Variants in HLCS observed in about 807,000 individuals in gnomAD.
The protein encoded by HLCS is holocarboxylase synthetase.
HLCS carries 53 observed loss-of-function variants against 75.0 expected under a neutral mutation model. That is an observed-to-expected ratio of 0.71 (90% CI 0.57 to 0.89). HLCS has a LOEUF of 0.89. HLCS is among the 40% of genes least tolerant of loss of function. The pLI is 0.00. For missense variants in HLCS, 966 were observed against 1,074.0 expected (o/e 0.90, Z 1.41); for synonymous variants, 431 against 428.6 (o/e 1.01, Z -0.07).
Position 36,887,657 on chromosome 21 carries a change from T to C in HLCS, c.1892+9203A>G, listed in dbSNP as rs145238654. Among the ~76,000 whole-genome samples, 1,039 of 152,346 alleles carry C rather than the reference T, an allele frequency of 6.8e-3. 11 individuals carry two copies. Among genetic ancestry groups the C allele is most frequent in the African/African-American group, 0.023 (962 of 41,580 alleles). On this transcript the variant is annotated intron_variant, in intron 6 of 10. Coordinates refer to ENST00000674895, the MANE Select transcript of HLCS (RefSeq NM_001352514.2). ...AAAGGCCAAAGTTATATTTTAAATTTTAGAAGTAAACATTAAAATGAAGGT... is the reference window on the plus strand; with the variant it reads ...AAAGGCCAAAGTTATATTTTAAATTCTAGAAGTAAACATTAAAATGAAGGT...
intron 1 of HLCS, among the ~76,000 whole-genome samples, chr21:36,964,453 T>G (rs1037370236): frequency 6.6e-6 from 1 of 152,218 alleles, no homozygotes; most frequent in Admixed American, 6.5e-5. Flanking sequence ...CTATTTCAGG[T>G]CAAGCTGCTA....
At chr21:36,948,786 T>C (rs1255764157) in intron 2 of HLCS, among the ~76,000 whole-genome samples, 3 of 139,952 alleles carry the variant, frequency 2.1e-5, no homozygotes, top group Non-Finnish European at 3.1e-5. Flanking sequence ...TTTAAGGGTA[T>C]TGGAAAATCA....
chr21:36,818,364 T>C (rs1601383523), intron 6 of HLCS, among the ~76,000 whole-genome samples: 1 of 152,174 alleles, frequency 6.6e-6, no homozygotes, highest in African/African-American at 2.4e-5. Flanking sequence ...CTCAACAACT[T>C]CACCAAAAGG....
At chr21:36,883,090 A>C (rs1296344398) in intron 6 of HLCS, among the ~76,000 whole-genome samples, 1 of 152,202 alleles carries the variant, frequency 6.6e-6, no homozygotes, top group Non-Finnish European at 1.5e-5. Flanking sequence ...ACAGTGACGG[A>C]ATACCCCTCA....
At chr21:36,942,103 G>A (rs1481861039) in intron 2 of HLCS, among the ~76,000 whole-genome samples, 1 of 151,962 alleles carries the variant, frequency 6.6e-6, no homozygotes, top group Non-Finnish European at 1.5e-5. Context: ...AACTCAGGAG[G>A]CAGAGGTTGC....
At chr21:36,846,449 G>A (rs376999458) in intron 6 of HLCS, among the ~76,000 whole-genome samples, 1 of 152,204 alleles carries the variant, frequency 6.6e-6, no homozygotes, top group East Asian at 1.9e-4. Flanking sequence ...CAACCAGGCA[G>A]GGCAGTTCCC....
At chr21:36,886,152 C>T (rs2064446823) in intron 6 of HLCS, among the ~76,000 whole-genome samples, 1 of 151,916 alleles carries the variant, frequency 6.6e-6, no homozygotes, top group African/African-American at 2.4e-5. Flanking sequence ...GTGCTGTTGG[C>T]CAGGCACCGT....
rs75576346 is a variant in HLCS at position 36,831,340 on chromosome 21, G to C, written c.1893-64055C>G. On this transcript the variant is annotated intron_variant, in intron 6 of 10. Coordinates refer to ENST00000674895, the MANE Select transcript of HLCS (RefSeq NM_001352514.2). ...AGTGGGAAGACATAGAAATCTTTGAGGGTAGCCAAAGGGAAGGAAATAAAT... is the reference window on the plus strand; with the variant it reads ...AGTGGGAAGACATAGAAATCTTTGACGGTAGCCAAAGGGAAGGAAATAAAT... Among the ~76,000 whole-genome samples, 281 of 152,242 alleles carry C rather than the reference G, an allele frequency of 1.8e-3. 2 individuals carry two copies. Among genetic ancestry groups the C allele is most frequent in the African/African-American group, 6.5e-3 (272 of 41,536 alleles).
intron 6 of HLCS, among the ~76,000 whole-genome samples, chr21:36,885,585 C>A (rs2064416295): frequency 6.6e-6 from 1 of 151,486 alleles, no homozygotes; most frequent in Admixed American, 6.6e-5. Flanking sequence ...ACGTCCACAG[C>A]ACTGCTGCTG....
Position 36,930,704 on chromosome 21 carries a change from A to G in HLCS, c.1438-271T>C, listed in dbSNP as rs115523996. Among the ~76,000 whole-genome samples the G allele has an allele frequency of 9.8e-3, 1,495 of 152,258 alleles. 23 individuals carry two copies. Among genetic ancestry groups the G allele is most frequent in the African/African-American group, 0.034 (1,406 of 41,540 alleles). ...AGCACATCACACCCAGATAGCTCAT[A>G]GCTTTGCTCTCCTCTGAAAATTAAG... On this transcript the variant is annotated intron_variant, in intron 4 of 10. Coordinates refer to ENST00000674895, the MANE Select transcript of HLCS (RefSeq NM_001352514.2).
chr21:36,896,039 G>A (rs1342554859), intron 6 of HLCS, among the ~76,000 whole-genome samples: 1 of 152,158 alleles, frequency 6.6e-6, no homozygotes, highest in Non-Finnish European at 1.5e-5. Context: ...TCCAAATGGG[G>A]TTATCAACTG....
intron 1 of HLCS, among the ~76,000 whole-genome samples, chr21:36,988,870 T>C (rs1457249185): frequency 6.6e-6 from 1 of 152,194 alleles, no homozygotes; most frequent in Admixed American, 6.5e-5. Context: ...TTTGCCTATT[T>C]GGTCTTTGCT....
At chr21:36,971,634 G>C (rs1319921906), upstream of HLCS, 1 of 152,092 alleles carries the variant, frequency 6.6e-6, no homozygotes, top group African/African-American at 2.4e-5. Flanking sequence ...TTCAAGACCA[G>C]CCTGGGCAAC....
intron 6 of HLCS, among the ~76,000 whole-genome samples, chr21:36,817,457 T>A (rs1182422233): frequency 6.6e-6 from 1 of 152,192 alleles, no homozygotes; most frequent in Non-Finnish European, 1.5e-5. Flanking sequence ...TGGCTCAAGA[T>A]TAAAAAACAT....
chr21:36,891,602 A>G (rs143022766), intron 6 of HLCS, among the ~76,000 whole-genome samples: 16 of 152,260 alleles, frequency 1.1e-4, no homozygotes, highest in African/African-American at 3.9e-4. Flanking sequence ...CTGACCTTCT[A>G]TATGTTGGGA....
chr21:36,969,754 G>C (rs2068734901), upstream of HLCS: 1 of 152,008 alleles, frequency 6.6e-6, no homozygotes, highest in South Asian at 2.1e-4. Flanking sequence ...TGTATTTTTA[G>C]TAGAGATGGG....
intron 6 of HLCS, among the ~76,000 whole-genome samples, chr21:36,880,954 TTTTGTTTGTTTGTTTG>T (rs146652378): frequency 8.5e-4 from 127 of 150,212 alleles, no homozygotes; most frequent in Middle Eastern, 3.4e-3. Context: ...AGCAGAGAGT[TTTTGTTTGTTTGTTTG>T]TTTGTTTGTT....
At chr21:36,780,858 C>G (rs1164909793) in intron 6 of HLCS, among the ~76,000 whole-genome samples, 1 of 151,980 alleles carries the variant, frequency 6.6e-6, no homozygotes, top group Non-Finnish European at 1.5e-5. Flanking sequence ...AGTCAATGAC[C>G]AGTTAATGTC....
chr21:36,955,670 G>A (rs1388348459), intron 2 of HLCS, among the ~76,000 whole-genome samples: 1 of 152,100 alleles, frequency 6.6e-6, no homozygotes, highest in Non-Finnish European at 1.5e-5. Flanking sequence ...CGAAGAAGAA[G>A]GCTGTTATAA....
Sources: gnomAD v4.1 joint callset for allele counts (sites outside exome capture counted in the v4.1 genomes callset) on GRCh38, gnomAD v4.1.1 for gene constraint, MANE v1.5 for transcripts, NCBI Gene and HGNC (gene_info 2026-07-23, HGNC 2026-07-21) for gene names.